The following UTRN variants were observed in gnomAD, a reference collection of about 807,000 sequenced individuals.
UTRN encodes utrophin.
In UTRN, 283 loss-of-function variants were observed where a neutral mutation model predicts 463.9. The ratio of observed to expected loss-of-function variants is 0.61; its 90% confidence interval spans 0.55 to 0.67. The LOEUF (loss-of-function observed/expected upper bound fraction) is 0.67. Ranked by LOEUF, UTRN falls within the 30% of genes least tolerant of loss-of-function variation. The pLI is 0.00. For missense variants in UTRN, 3,922 were observed against 4,084.3 expected, an observed-to-expected ratio of 0.96 and a Z score of 1.08; for synonymous variants, 1,442 against 1,431.5, an observed-to-expected ratio of 1.01 and a Z score of -0.17.
intron 3 of UTRN, among the ~76,000 whole-genome samples, chr6:144,406,658 C>T (rs760846928): frequency 1.3e-5 from 2 of 152,190 alleles, no homozygotes; most frequent in African/African-American, 4.8e-5. Flanking sequence ...TGAGCCACCA[C>T]GCCCGGCCTC....
At chr6:144,724,009 CAAAAAAAAAAA>C (rs59598919) in intron 53 of UTRN, among the ~76,000 whole-genome samples, 1 of 58,774 alleles carries the variant, frequency 1.7e-5, no homozygotes, top group Non-Finnish European at 3.7e-5. Flanking sequence ...GACTCCATCT[CAAAAAAAAAAA>C]AAAAAAAAAG....
chr6:144,550,836 G>A (rs749858536), intron 47 of UTRN, 129 bp from the exon 48 acceptor site: 93 of 627,886 alleles, frequency 1.5e-4, no homozygotes, highest in Non-Finnish European at 2.0e-4. Flanking sequence ...TTTCTGCCAC[G>A]TTGCTGATGC....
At chr6:144,712,835 G>A (rs1418175674) in intron 53 of UTRN, among the ~76,000 whole-genome samples, 2 of 152,142 alleles carry the variant, frequency 1.3e-5, no homozygotes, top group Admixed American at 6.5e-5. Context: ...AAGATGCCTT[G>A]GAATAAGTAA....
At chr6:144,706,388 G>T (rs1586130375) in intron 53 of UTRN, among the ~76,000 whole-genome samples, 1 of 151,994 alleles carries the variant, frequency 6.6e-6, no homozygotes, top group African/African-American at 2.4e-5. Context: ...CTTATTTACG[G>T]TAGAGGAACA....
rs910062281 is a variant in UTRN, at chr6:144,468,520, A to C, written c.3067-5200A>C. Among the ~76,000 whole-genome samples the C allele has an allele frequency of 2.6e-5, 4 of 152,010 alleles. No individual in the cohort carries two copies. The East Asian group carries it at 7.7e-4, about 29-fold the overall frequency. On this transcript the variant is annotated intron_variant, in intron 23 of 74. Coordinates refer to ENST00000367545, the MANE Select transcript of UTRN (RefSeq NM_007124.3). ...TTTTTTTTGCATGTGAAATAATGAC[A>C]TTTGCTTTAGAAATTTACTAACAGT...
intron 51 of UTRN, among the ~76,000 whole-genome samples, chr6:144,620,641 A>AC (rs1021373552): frequency 1.3e-4 from 20 of 151,950 alleles, no homozygotes; most frequent in African/African-American, 4.6e-4. Context: ...ATGAAAACCT[A>AC]CCTTCTCTAA....
chr6:144,565,087 A>G (rs994918217), intron 50 of UTRN, among the ~76,000 whole-genome samples: 5 of 152,204 alleles, frequency 3.3e-5, no homozygotes, highest in Non-Finnish European at 7.3e-5. Context: ...ACTGTATGCC[A>G]GCAATGATGG....
chr6:144,706,179 A>C (rs1326251488), intron 53 of UTRN, among the ~76,000 whole-genome samples: 1 of 151,158 alleles, frequency 6.6e-6, no homozygotes, highest in African/African-American at 2.4e-5. Context: ...CTTGAAATCA[A>C]AATCTCTTAT....
chr6:144,658,310 A>C (rs1562719523), intron 51 of UTRN, among the ~76,000 whole-genome samples: 1 of 152,256 alleles, frequency 6.6e-6, no homozygotes, highest in Non-Finnish European at 1.5e-5. Context: ...TATGTAAAAC[A>C]CATGCTATTT....
intron 48 of UTRN, among the ~76,000 whole-genome samples, chr6:144,551,369 T>G (rs1403334595): frequency 2.6e-5 from 4 of 152,160 alleles, no homozygotes; most frequent in African/African-American, 4.8e-5. Flanking sequence ...TAACTTAGGC[T>G]TTCTTTTAGA....
chr6:144,794,667 C>A (rs1777058771), intron 63 of UTRN, among the ~76,000 whole-genome samples: 1 of 152,114 alleles, frequency 6.6e-6, no homozygotes, highest in Non-Finnish European at 1.5e-5. Flanking sequence ...TGTCTTAGTT[C>A]ATTCAGGCTG....
chr6:144,593,592 T>TG (rs1367923883), intron 51 of UTRN, among the ~76,000 whole-genome samples: 2 of 152,096 alleles, frequency 1.3e-5, no homozygotes, highest in African/African-American at 4.8e-5. Flanking sequence ...CATGGAGAGA[T>TG]GGGGTTTTCC....
chr6:144,608,746 T>G (rs534257464), intron 51 of UTRN, among the ~76,000 whole-genome samples: 1 of 150,692 alleles, frequency 6.6e-6, no homozygotes, highest in South Asian at 2.1e-4. Context: ...TAGAAAGTAC[T>G]TGAGATAGGT....
intron 65 of UTRN, among the ~76,000 whole-genome samples, chr6:144,812,140 CTGTTT>C (rs1389330376): frequency 1.3e-5 from 2 of 152,036 alleles, no homozygotes; most frequent in Non-Finnish European, 2.9e-5. Context: ...CAAATATTTT[CTGTTT>C]TGTTTTGTTT....
intron 53 of UTRN, among the ~76,000 whole-genome samples, chr6:144,718,330 G>A (rs1465547606): frequency 6.6e-6 from 1 of 152,034 alleles, no homozygotes; most frequent in Non-Finnish European, 1.5e-5. Context: ...AATTAGCCTG[G>A]TATGGTGGCA....
rs147313263 is a variant in UTRN at position 144,708,187 on chromosome 6, A to T, written c.7809+7944A>T. The T allele has an allele frequency of 1.4e-3, 798 of 560,014 alleles. 6 individuals carry two copies. The highest frequency in any genetic ancestry group is 0.014 in the African/African-American group (733 of 51,878). The allele number at this position is 560,014 out of a possible 1,614,324, so 34.7% of individuals were successfully genotyped here. A position where few individuals can be genotyped will look rare whatever the true frequency, so the allele number is the denominator to read the frequency against. ...CCAATGGAAGGTTTGGATAGTAGCC[A>T]GTTATTTTTGAATTGCTTGAAGAGA... On this transcript the variant is annotated intron_variant, in intron 53 of 74. Transcript: ENST00000367545.
Position 144,613,719 on chromosome 6 carries a change from G to A in UTRN, c.7479+36431G>A, listed in dbSNP as rs376246535. 5.3e-5 allele frequency among the ~76,000 whole-genome samples: 8 copies of A among 151,762 alleles called. No individual in the cohort carries two copies. The South Asian group carries it at 1.3e-3, about 24-fold the overall frequency. ...TCCCGCTACTGTATACATTTGCCAC[G>A]ACTCATCAGATTGTGTACTTAAAAT... is the stretch of plus-strand genomic sequence containing the variant. On this transcript the variant is annotated intron_variant, in intron 51 of 74. Transcript: ENST00000367545.
intron 50 of UTRN, among the ~76,000 whole-genome samples, chr6:144,560,604 A>T: frequency 6.6e-6 from 1 of 152,258 alleles, no homozygotes; most frequent in Non-Finnish European, 1.5e-5. Context: ...TGTGCAGCAT[A>T]ATGTGTGAAG....
chr6:144,461,459 G>C (rs1441380329), intron 22 of UTRN, 117 bp downstream of exon 22: 1 of 1,132,570 alleles, frequency 8.8e-7, no homozygotes, highest in East Asian at 2.8e-5. Context: ...TTCATCATTG[G>C]TGCAAAAATG....
Sources: allele counts gnomAD v4.1 joint callset (sites outside exome capture counted in the v4.1 genomes callset), GRCh38; gene constraint gnomAD v4.1.1; transcripts MANE v1.5; gene names NCBI Gene and HGNC (gene_info 2026-07-23, HGNC 2026-07-21).